The following ACTR8 variants were observed in gnomAD, a reference collection of about 807,000 sequenced individuals.
The protein encoded by ACTR8 is actin-related protein 8.
Under a neutral mutation model 84.3 loss-of-function variants are expected in ACTR8, and 70 were observed. That is an observed-to-expected ratio of 0.83 (90% CI 0.68 to 1.01). The LOEUF (loss-of-function observed/expected upper bound fraction) is 1.01. Among genes scored for constraint, ACTR8 ranks in the 50% least tolerant of loss-of-function variants. ACTR8 has a pLI of 0.00. For synonymous variants in ACTR8, 268 were observed against 275.2 expected (o/e 0.97, Z 0.26); for missense variants, 672 against 775.4 (o/e 0.87, Z 1.58).
At chr3:53,869,820 C>T (rs1232214303) in intron 12 of ACTR8, among the ~76,000 whole-genome samples, 162 bp downstream of exon 12, 2 of 151,970 alleles carry the variant, frequency 1.3e-5, no homozygotes, top group Non-Finnish European at 2.9e-5. Context: ...GGCCAGAGCA[C>T]CTTCCACCAC....
Position 53,868,771 on chromosome 3 carries a change from C to T in ACTR8, c.1823G>A (p.Trp608Ter), listed in dbSNP as rs1181415185. The T allele has an allele frequency of 6.2e-7, 1 of 1,614,216 alleles. No homozygotes were observed. The highest frequency in any genetic ancestry group is 1.1e-5 in the South Asian group (1 of 91,088). Reference sequence around the variant, plus strand: ...TAACATGCGGACACCAAAGCGCTGCCACTCTCGCTGATAAATCCACAGTTC... The same window carrying T: ...TAACATGCGGACACCAAAGCGCTGCTACTCTCGCTGATAAATCCACAGTTC... Reference protein sequence around the residue: ...TQELWIYQREWQRFGVRMLRE... With the variant: ...TQELWIYQRE Residue 608 changes from tryptophan to a stop codon, truncating the protein, a stop_gained, in exon 13 of 13, where the codon TGG (tryptophan) becomes TAG (stop). Transcript: ENST00000335754. LOFTEE classifies it high-confidence loss of function.
intron 9 of ACTR8, 114 bp downstream of exon 9, chr3:53,872,918 A>G: frequency 1.2e-6 from 1 of 847,668 alleles, no homozygotes; most frequent in Non-Finnish European, 1.8e-6. Context: ...TGGATAATCT[A>G]CAATCAGTTG....
chr3:53,870,193 A>G lies in ACTR8; in HGVS notation c.1568-48T>C. ...CCATGCTTTTTTCTCCACATCCATA[A>G]TTCTAGGCCAAGCCACCAACACCTC... On this transcript the variant is annotated intron_variant, in intron 11 of 12. Transcript: ENST00000335754. The surrounding 1 kb of genome is among the most constrained non-coding windows in gnomAD (Gnocchi z 4.1). 6.3e-7 allele frequency: 1 copy of G among 1,590,870 alleles called. No individual in the cohort carries two copies. The highest frequency in any genetic ancestry group is 8.6e-7 in the Non-Finnish European group (1 of 1,164,694).
chr3:53,872,029 G>A (rs1466133486), intron 10 of ACTR8, among the ~76,000 whole-genome samples: 3 of 152,208 alleles, frequency 2.0e-5, no homozygotes, highest in Non-Finnish European at 4.4e-5. Context: ...AAGGAATTCA[G>A]CTCTTTGGCT....
At chr3:53,878,323 T>A (rs972222446) in intron 3 of ACTR8, 34 bp downstream of exon 3, 2 of 1,390,270 alleles carry the variant, frequency 1.4e-6, no homozygotes, top group Non-Finnish European at 2.0e-6. Flanking sequence ...CCAATAGTGG[T>A]GATAAAAGAA....
downstream of ACTR8, among the ~76,000 whole-genome samples, chr3:53,866,350 C>T (rs186244365): frequency 8.7e-4 from 117 of 134,194 alleles, 1 homozygote; most frequent in Non-Finnish European, 7.9e-4. Context: ...TGCCACTGCA[C>T]TCCATCCTGG....
downstream of ACTR8, among the ~76,000 whole-genome samples, chr3:53,866,316 C>G (rs971542558): frequency 2.6e-5 from 4 of 152,182 alleles, no homozygotes; most frequent in African/African-American, 7.2e-5. Context: ...CCCTGGAGGT[C>G]AAGGGTGCAG....
intron 6 of ACTR8, among the ~76,000 whole-genome samples, chr3:53,876,387 C>T (rs1050079026): frequency 4.6e-5 from 7 of 151,924 alleles, no homozygotes; most frequent in Admixed American, 2.6e-4. Flanking sequence ...GGCATGGTGG[C>T]GGGTGCCTGT....
At chr3:53,866,947 A>C (rs1318241023), downstream of ACTR8, 1 of 152,236 alleles carries the variant, frequency 6.6e-6, no homozygotes, top group African/African-American at 2.4e-5. Context: ...GATTATCCTT[A>C]AAGGGCCACC....
At chr3:53,871,849 G>C (rs1197113704) in intron 10 of ACTR8, among the ~76,000 whole-genome samples, 1 of 152,182 alleles carries the variant, frequency 6.6e-6, no homozygotes, top group African/African-American at 2.4e-5. Context: ...TGACTGTTAA[G>C]GAATTCTTAC....
rs1699833394 is a variant in ACTR8, at chr3:53,868,669, T to G, written c.*50A>C. The G allele has an allele frequency of 5.6e-6, 9 of 1,600,634 alleles. No individual in the cohort carries two copies. The highest frequency in any genetic ancestry group is 6.0e-6 in the Non-Finnish European group (7 of 1,173,716). On this transcript the variant is annotated 3_prime_UTR_variant, in exon 13 of 13. Coordinates refer to ENST00000335754, the MANE Select transcript of ACTR8 (RefSeq NM_022899.5). ...ATACACATATTCTGTAAGAGTCTTT[T>G]ATACCAAGAAGCTTGTTTTTGGTCT...
intron 1 of ACTR8, 166 bp downstream of exon 1, chr3:53,881,813 G>T: frequency 8.5e-7 from 1 of 1,173,884 alleles, no homozygotes; most frequent in Non-Finnish European, 1.2e-6. Context: ...AGCCCTCGGC[G>T]TCCCGGCGCG....
chr3:53,859,850 T>C, the ACTR8 span: 1 of 292,650 alleles, frequency 3.4e-6, no homozygotes, highest in Non-Finnish European at 6.5e-6. Context: ...TAAAGGGATC[T>C]AAATCTCTAC....
chr3:53,880,819 CACCTTCAGG>C (rs1349069554), intron 1 of ACTR8, among the ~76,000 whole-genome samples: 1 of 152,202 alleles, frequency 6.6e-6, no homozygotes, highest in Admixed American at 6.5e-5. Context: ...AGCTCCTAAT[CACCTTCAGG>C]ACTCTAAACA....
At chr3:53,872,317 T>C (rs1212199047) in intron 10 of ACTR8, 67 bp downstream of exon 10, 5 of 1,476,202 alleles carry the variant, frequency 3.4e-6, no homozygotes, top group South Asian at 1.4e-5. Context: ...CAATGGCCTA[T>C]TAACTCTGGA....
At chr3:53,859,158 T>A in the ACTR8 span, 15 of 173,736 alleles carry the variant, frequency 8.6e-5, no homozygotes, top group Middle Eastern at 2.5e-3. Flanking sequence ...TGAGAATGAA[T>A]ATTTCACTAT....
rs1204773505 is a variant in ACTR8, at chr3:53,882,091, G to A, written c.11C>T (p.Ala4Val). The A allele has an allele frequency of 6.4e-7, 1 of 1,551,530 alleles. No individual in the cohort carries two copies. The highest frequency in any genetic ancestry group is 2.0e-5 in the Admixed American group (1 of 51,000). Residue 4 changes from alanine (A) to valine (V), a missense_variant, in exon 1 of 13, where the codon GCT (alanine) becomes GTT (valine). Ala to Val is a moderately conservative substitution (Grantham distance 64). Coordinates refer to ENST00000335754, the MANE Select transcript of ACTR8 (RefSeq NM_022899.5). MTQ[A>V]EKGDTENGKE... is the part of the protein sequence containing the mutation. Reference sequence around the variant, plus strand: ...TCCGTTCTCCGTATCACCCTTCTCAGCCTGGGTCATTATGGCCGGAGACAC... The same window carrying A: ...TCCGTTCTCCGTATCACCCTTCTCAACCTGGGTCATTATGGCCGGAGACAC...
chr3:53,868,626 C>G lies in ACTR8; in HGVS notation c.*93G>C, dbSNP rs1699832764. ...TTTACTGTCCATGACACTTAAGCAT[C>G]CAGATCAATAAATTACAATACACAT... On this transcript the variant is annotated 3_prime_UTR_variant, in exon 13 of 13. Transcript: ENST00000335754. 2.0e-6 allele frequency: 3 copies of G among 1,520,398 alleles called. No homozygotes were observed. The highest frequency in any genetic ancestry group is 2.7e-6 in the Non-Finnish European group (3 of 1,129,574). 94.2% of individuals were successfully genotyped at this position (1,520,398 alleles called of 1,614,324 possible). A position where few individuals can be genotyped will look rare whatever the true frequency, so the allele number is the denominator to read the frequency against.
chr3:53,874,387 G>C, intron 7 of ACTR8, 23 bp from the exon 8 acceptor site: 10 of 1,607,328 alleles, frequency 6.2e-6, no homozygotes, highest in Non-Finnish European at 8.5e-6. Context: ...GAAAAGGGTA[G>C]ATGGTTAATC....
Sources: gnomAD v4.1 joint callset for allele counts (sites outside exome capture counted in the v4.1 genomes callset) on GRCh38, gnomAD v4.1.1 for gene constraint, Gnocchi (gnomAD v3.1) non-coding constraint, MANE v1.5 for transcripts, NCBI Gene and HGNC (gene_info 2026-07-23, HGNC 2026-07-21) for gene names.